GRM3: variants seen among roughly 807,000 people sequenced by gnomAD.
GRM3 encodes metabotropic glutamate receptor 3.
Under a neutral mutation model 70.5 loss-of-function variants are expected in GRM3, and 26 were observed. That is an observed-to-expected ratio of 0.37 (90% CI 0.27 to 0.51). The LOEUF (loss-of-function observed/expected upper bound fraction) is 0.51, where lower values mean the gene tolerates loss of function less well. Ranked by LOEUF, GRM3 falls within the 20% of genes least tolerant of loss-of-function variation. The probability of loss-of-function intolerance (pLI) is 0.93; values close to 1 mark genes in which losing one functional copy is unlikely to be tolerated. For missense variants in GRM3, 859 were observed against 1,123.8 expected (o/e 0.76, Z 3.37); for synonymous variants, 443 against 434.9 (o/e 1.02, Z -0.23).
intron 1 of GRM3, among the ~76,000 whole-genome samples, chr7:86,750,747 AC>A (rs2116358935): frequency 6.6e-6 from 1 of 152,206 alleles, no homozygotes; most frequent in South Asian, 2.1e-4. Flanking sequence ...ACAATCAGAA[AC>A]AAAGATCAAT....
intron 3 of GRM3, among the ~76,000 whole-genome samples, chr7:86,798,511 TG>T (rs1797608773): frequency 1.3e-5 from 2 of 152,168 alleles, no homozygotes; most frequent in Non-Finnish European, 2.9e-5. Flanking sequence ...CCATTTGAAA[TG>T]GGTGTGTATA....
intron 1 of GRM3, among the ~76,000 whole-genome samples, chr7:86,693,528 G>A (rs149592257): frequency 4.6e-5 from 7 of 152,274 alleles, no homozygotes; most frequent in Admixed American, 2.6e-4. Context: ...AAAAGGACAC[G>A]CTTCTAGCTA....
intron 1 of GRM3, among the ~76,000 whole-genome samples, chr7:86,657,851 C>CA (rs1313646633): frequency 2.0e-5 from 3 of 151,838 alleles, no homozygotes; most frequent in South Asian, 2.1e-4. Flanking sequence ...AGCTTCTGGG[C>CA]AAAAAAATAC....
intron 5 of GRM3, among the ~76,000 whole-genome samples, chr7:86,851,699 TGA>T (rs1423669365): frequency 1.3e-5 from 2 of 152,112 alleles, no homozygotes; most frequent in East Asian, 3.9e-4. Flanking sequence ...ACTGACAGTC[TGA>T]GAGCACATGT....
At chr7:86,685,782 T>C (rs1794550250) in intron 1 of GRM3, among the ~76,000 whole-genome samples, 1 of 151,846 alleles carries the variant, frequency 6.6e-6, no homozygotes, top group African/African-American at 2.4e-5. Flanking sequence ...GGGGCGCACC[T>C]GTAGTCCAAG....
At chr7:86,815,166 G>C (rs769148748) in intron 3 of GRM3, among the ~76,000 whole-genome samples, 8 of 151,604 alleles carry the variant, frequency 5.3e-5, no homozygotes, top group Non-Finnish European at 1.2e-4. Flanking sequence ...GAGGGGGAAC[G>C]GGAAAAAGAA....
intron 2 of GRM3, among the ~76,000 whole-genome samples, chr7:86,774,061 A>G (rs59843389): frequency 1.3e-5 from 2 of 152,282 alleles, no homozygotes; most frequent in East Asian, 3.9e-4. Context: ...ATAGATTAAT[A>G]GGTAAATGAA....
At chr7:86,677,322 T>G (rs942522340) in intron 1 of GRM3, among the ~76,000 whole-genome samples, 1 of 152,000 alleles carries the variant, frequency 6.6e-6, no homozygotes, top group African/African-American at 2.4e-5. Context: ...AGATTTCCAG[T>G]TGCCAGCTGA....
chr7:86,726,051 A>T (rs920486589), intron 1 of GRM3, among the ~76,000 whole-genome samples: 63 of 152,190 alleles, frequency 4.1e-4, no homozygotes, highest in African/African-American at 1.5e-3. Context: ...CATTTAGACC[A>T]TAGCATCTAT....
At chr7:86,748,058 CA>C (rs1244151177) in intron 1 of GRM3, among the ~76,000 whole-genome samples, 1 of 152,068 alleles carries the variant, frequency 6.6e-6, no homozygotes, top group East Asian at 1.9e-4. Flanking sequence ...TGTTCCCTTT[CA>C]CAAGGAAACA....
At chr7:86,648,891 T>C (rs1793542210) in intron 1 of GRM3, among the ~76,000 whole-genome samples, 1 of 152,158 alleles carries the variant, frequency 6.6e-6, no homozygotes, top group African/African-American at 2.4e-5. Context: ...ATACAAGTTC[T>C]GCTAGACAGT....
At chr7:86,791,950 A>G (rs968215538) in intron 3 of GRM3, among the ~76,000 whole-genome samples, 3 of 152,222 alleles carry the variant, frequency 2.0e-5, no homozygotes, top group African/African-American at 7.2e-5. Flanking sequence ...TATGTCATCC[A>G]GAATCCTAAA....
chr7:86,753,899 T>G (rs1033024755), intron 1 of GRM3, among the ~76,000 whole-genome samples: 4 of 152,126 alleles, frequency 2.6e-5, no homozygotes, highest in Non-Finnish European at 5.9e-5. Flanking sequence ...CGGCCAATTT[T>G]AAGGTGCCAG....
chr7:86,788,116 A>T (rs557322572), intron 3 of GRM3, among the ~76,000 whole-genome samples: 1 of 152,288 alleles, frequency 6.6e-6, no homozygotes, highest in African/African-American at 2.4e-5. Context: ...CTCTCATGCC[A>T]CTCAGGCATC....
In GRM3 at chr7:86,657,284, G is replaced by T. The variant is rs116518280; in HGVS notation, c.-141+12412G>T. Among the ~76,000 whole-genome samples the T allele has an allele frequency of 4.9e-3, 742 of 152,296 alleles. 7 individuals are homozygous for T. The highest frequency in any genetic ancestry group is 0.017 in the African/African-American group (701 of 41,556). On this transcript the variant is annotated intron_variant, in intron 1 of 5. Coordinates refer to ENST00000361669, the MANE Select transcript of GRM3 (RefSeq NM_000840.3). ...TTAGAATGTAAAATCTTATAGGAGA[G>T]ATGAGATATGTGCATGTGTACCTAC...
Position 86,828,279 on chromosome 7 carries a change from C to T in GRM3, c.1325-10560C>T, listed in dbSNP as rs146854384. ...AAAAAATCACAACGAGATACCGGTA[C>T]ATTTTCACTCAAATATCTAAAATTA... is the stretch of plus-strand genomic sequence containing the variant. On this transcript the variant is annotated intron_variant, in intron 3 of 5. Transcript: ENST00000361669. 5.3e-3 allele frequency among the ~76,000 whole-genome samples: 802 copies of T among 152,128 alleles called. 6 individuals carry two copies. The highest frequency in any genetic ancestry group is 0.018 in the African/African-American group (760 of 41,506).
chr7:86,829,328 G>A (rs916678081), intron 3 of GRM3, among the ~76,000 whole-genome samples: 4 of 152,192 alleles, frequency 2.6e-5, no homozygotes, highest in Admixed American at 2.6e-4. Flanking sequence ...CTCCATATCA[G>A]CAATAAGACT....
At chr7:86,773,980 T>C (rs1460364682) in intron 2 of GRM3, among the ~76,000 whole-genome samples, 1 of 152,076 alleles carries the variant, frequency 6.6e-6, no homozygotes, top group Non-Finnish European at 1.5e-5. Flanking sequence ...GTGTCTATGA[T>C]GGAGGTCACG....
chr7:86,795,671 T>C (rs1272769322), intron 3 of GRM3, among the ~76,000 whole-genome samples: 2 of 152,190 alleles, frequency 1.3e-5, no homozygotes, highest in Non-Finnish European at 1.5e-5. Context: ...CAGTCTGTCA[T>C]TGATGGGCAT....
Sources: gnomAD v4.1 joint callset for allele counts (sites outside exome capture counted in the v4.1 genomes callset) on GRCh38, gnomAD v4.1.1 for gene constraint, MANE v1.5 for transcripts, NCBI Gene and HGNC (gene_info 2026-07-23, HGNC 2026-07-21) for gene names.